PPP6R3: variants seen among roughly 807,000 people sequenced by gnomAD.
The protein encoded by PPP6R3 is serine/threonine-protein phosphatase 6 regulatory subunit 3.
A neutral mutation model predicts 110.7 loss-of-function variants in PPP6R3; 38 were observed. The observed-to-expected ratio is 0.34, with a 90% CI of 0.26 to 0.45. The LOEUF (loss-of-function observed/expected upper bound fraction) is 0.45, where lower values mean the gene tolerates loss of function less well. Ranked by LOEUF, PPP6R3 falls within the 20% of genes least tolerant of loss-of-function variation. The probability of loss-of-function intolerance (pLI) is 1.00; values close to 1 mark genes in which losing one functional copy is unlikely to be tolerated. For synonymous variants in PPP6R3, 369 were observed against 373.5 expected (o/e 0.99, Z 0.14); for missense variants, 870 against 1,062.4 (o/e 0.82, Z 2.52).
chr11:68,517,212 T>G (rs2099141529), intron 1 of PPP6R3, among the ~76,000 whole-genome samples: 1 of 152,156 alleles, frequency 6.6e-6, no homozygotes, highest in African/African-American at 2.4e-5. Context: ...GATGGTCTTT[T>G]CCTCTAACTT....
intron 1 of PPP6R3, among the ~76,000 whole-genome samples, chr11:68,519,211 A>G (rs1299787235): frequency 6.6e-6 from 1 of 152,230 alleles, no homozygotes; most frequent in African/African-American, 2.4e-5. Context: ...TTCAGAAGAC[A>G]AAGGTAAGAA....
intron 1 of PPP6R3, among the ~76,000 whole-genome samples, chr11:68,485,426 A>G (rs906516354): frequency 4.6e-5 from 7 of 152,118 alleles, no homozygotes; most frequent in Admixed American, 6.6e-5. Flanking sequence ...ATGATGGAAA[A>G]GGATGATGAG....
intron 2 of PPP6R3, among the ~76,000 whole-genome samples, chr11:68,521,696 G>A (rs1252336212): frequency 2.0e-5 from 3 of 152,112 alleles, no homozygotes; most frequent in Non-Finnish European, 4.4e-5. Flanking sequence ...GGTTTTGCGG[G>A]CCAAGAGGCA....
At chr11:68,478,883 C>T (rs1025608578) in intron 1 of PPP6R3, among the ~76,000 whole-genome samples, 3 of 151,990 alleles carry the variant, frequency 2.0e-5, no homozygotes, top group Non-Finnish European at 4.4e-5. Flanking sequence ...GTCTCCATCT[C>T]CTGACATCGT....
intron 8 of PPP6R3, among the ~76,000 whole-genome samples, chr11:68,560,790 C>T (rs2099416130): frequency 1.3e-5 from 2 of 151,998 alleles, no homozygotes; most frequent in Admixed American, 1.3e-4. Flanking sequence ...CCCATGCATA[C>T]CAAAATCTGC....
chr11:68,495,198 T>A (rs953218133), intron 1 of PPP6R3, among the ~76,000 whole-genome samples: 5 of 152,334 alleles, frequency 3.3e-5, no homozygotes, highest in African/African-American at 9.6e-5. Flanking sequence ...AAAGATGATA[T>A]AACTTACAAT....
chr11:68,545,873 A>C (rs985982745), intron 4 of PPP6R3, among the ~76,000 whole-genome samples: 42 of 152,268 alleles, frequency 2.8e-4, no homozygotes, highest in Non-Finnish European at 1.2e-4. Flanking sequence ...CTAGAGCCTC[A>C]GATATTCAAG....
At chr11:68,470,648 A>G (rs1243668192) in intron 1 of PPP6R3, among the ~76,000 whole-genome samples, 4 of 152,188 alleles carry the variant, frequency 2.6e-5, no homozygotes, top group Admixed American at 6.5e-5. Flanking sequence ...GCAGTGATCC[A>G]GGAGAGCAGT....
At chr11:68,492,327 T>C (rs1289871710) in intron 1 of PPP6R3, among the ~76,000 whole-genome samples, 1 of 152,112 alleles carries the variant, frequency 6.6e-6, no homozygotes, top group Non-Finnish European at 1.5e-5. Context: ...TGGCTAAGTT[T>C]TATTTTTATT....
At chr11:68,553,558 G>A (rs1051429162) in intron 6 of PPP6R3, among the ~76,000 whole-genome samples, 1 of 152,068 alleles carries the variant, frequency 6.6e-6, no homozygotes, top group African/African-American at 2.4e-5. Flanking sequence ...CTCCCAAAGT[G>A]CTGGGATTAC....
chr11:68,513,835 T>C (rs780406652), intron 1 of PPP6R3, among the ~76,000 whole-genome samples: 3 of 152,238 alleles, frequency 2.0e-5, no homozygotes, highest in Non-Finnish European at 2.9e-5. Context: ...GTTGTACATA[T>C]GTGTAAAACA....
intron 1 of PPP6R3, among the ~76,000 whole-genome samples, chr11:68,496,709 A>G (rs1267346280): frequency 6.6e-6 from 1 of 152,050 alleles, no homozygotes; most frequent in Non-Finnish European, 1.5e-5. Flanking sequence ...GGCCTCAAGC[A>G]CTTCACACAC....
chr11:68,552,710 G>A (rs940656660), intron 6 of PPP6R3, among the ~76,000 whole-genome samples: 20 of 152,194 alleles, frequency 1.3e-4, no homozygotes, highest in African/African-American at 3.4e-4. Flanking sequence ...GGCCTGCCCC[G>A]TTGACAGGGA....
intron 2 of PPP6R3, among the ~76,000 whole-genome samples, chr11:68,526,989 G>A (rs1397429850): frequency 1.3e-5 from 2 of 152,202 alleles, no homozygotes; most frequent in Non-Finnish European, 2.9e-5. Flanking sequence ...TGTACATCTT[G>A]TCTTGCTGTT....
chr11:68,562,491 G>A (rs1019105261), intron 8 of PPP6R3, among the ~76,000 whole-genome samples: 2 of 152,176 alleles, frequency 1.3e-5, no homozygotes, highest in African/African-American at 4.8e-5. Flanking sequence ...TTTTGCAAGA[G>A]AAAAGGACTC....
chr11:68,602,492 G>A (rs7927592), intron 21 of PPP6R3, among the ~76,000 whole-genome samples: 37,541 of 151,984 alleles, frequency 0.25, 4,886 homozygotes, highest in Middle Eastern at 0.32. Flanking sequence ...CTTGATGGAC[G>A]GGGCTTTGGG....
At chr11:68,521,466 C>G (rs1565578685) in intron 2 of PPP6R3, among the ~76,000 whole-genome samples, 1 of 152,110 alleles carries the variant, frequency 6.6e-6, no homozygotes, top group Non-Finnish European at 1.5e-5. Flanking sequence ...CAATTTCTTA[C>G]CTTTAGTTAT....
chr11:68,507,482 A>T (rs1479655281), intron 1 of PPP6R3, among the ~76,000 whole-genome samples: 2 of 152,130 alleles, frequency 1.3e-5, no homozygotes, highest in East Asian at 3.9e-4. Context: ...GTTATTTTTG[A>T]TGATTTTTGT....
At chr11:68,557,779 A>G (rs1420365483) in intron 7 of PPP6R3, among the ~76,000 whole-genome samples, 11 of 152,180 alleles carry the variant, frequency 7.2e-5, no homozygotes, top group Admixed American at 7.2e-4. Context: ...CGGCCTCCCA[A>G]AGTGTGGGGA....
Sources: allele counts gnomAD v4.1 joint callset (sites outside exome capture counted in the v4.1 genomes callset), GRCh38; gene constraint gnomAD v4.1.1; transcripts MANE v1.5; gene names NCBI Gene and HGNC (gene_info 2026-07-23, HGNC 2026-07-21).